Variants in KIAA0319 observed in about 807,000 individuals in gnomAD.
KIAA0319 encodes the protein KIAA0319.
A neutral mutation model predicts 108.4 loss-of-function variants in KIAA0319; 83 were observed. That is an observed-to-expected ratio of 0.77 (90% CI 0.64 to 0.92). The LOEUF is 0.92. Among genes scored for constraint, KIAA0319 ranks in the 40% least tolerant of loss-of-function variants. The pLI, the probability that KIAA0319 is intolerant of heterozygous loss-of-function variation, is 0.00. For missense variants in KIAA0319, 1,195 were observed against 1,322.4 expected (o/e 0.90, Z 1.49); for synonymous variants, 484 against 510.4 (o/e 0.95, Z 0.70).
rs1764488642 is a variant in KIAA0319 at position 24,570,149 on chromosome 6, T to C, written c.1859-114A>G. On this transcript the variant is annotated intron_variant, in intron 11 of 20. Transcript: ENST00000378214. The stretch of plus-strand genomic sequence containing the variant: ...TCTTCAGACCAGGCAGCCACTAGAG[T>C]ATGCAGCATCCTTTGGAATCCTGGA... 3.1e-6 allele frequency: 3 copies of C among 968,600 alleles called. No individual in the cohort carries two copies. In the Admixed American group the frequency reaches 7.0e-5, roughly 23 times the overall value. The allele number at this position is 968,600 out of a possible 1,614,324, so 60.0% of individuals were successfully genotyped here.
chr6:24,593,514 TC>T (rs1425039619), intron 3 of KIAA0319, among the ~76,000 whole-genome samples: 2 of 146,840 alleles, frequency 1.4e-5, no homozygotes, highest in Non-Finnish European at 3.0e-5. Context: ...TGCCTCAGCC[TC>T]CCGAGTAGCT....
Position 24,582,281 on chromosome 6 carries a change from GT to G in KIAA0319, c.1158del (p.Lys386AsnfsTer50). Reference sequence around the variant, plus strand: ...AGGTTAAGAGTTTGCTTGTGTCCTTGTTTTATTTCACCTTGGTAGTCTGTGG... The same window carrying G: ...AGGTTAAGAGTTTGCTTGTGTCCTTGTTTATTTCACCTTGGTAGTCTGTGG... Reference protein sequence around the residue: ...SHPTDYQGEIKQGHKQTLNLS... With the variant: ...SHPTDYQGEIXQGHKQTLNLS... On this transcript the variant is annotated frameshift_variant, in exon 6 of 21. Coordinates refer to ENST00000378214, the MANE Select transcript of KIAA0319 (RefSeq NM_014809.4). LOFTEE classifies it high-confidence loss of function. 3 of 1,610,612 alleles carry G rather than the reference GT, an allele frequency of 1.9e-6. No homozygotes were observed. The highest frequency in any genetic ancestry group is 2.5e-6 in the Non-Finnish European group (3 of 1,177,064).
intron 1 of KIAA0319, among the ~76,000 whole-genome samples, chr6:24,642,513 G>A (rs1461595957): frequency 2.6e-5 from 4 of 152,258 alleles, no homozygotes; most frequent in East Asian, 3.9e-4. Flanking sequence ...ATCATCACAT[G>A]AATAAACATC....
intron 19 of KIAA0319, among the ~76,000 whole-genome samples, chr6:24,552,147 A>G (rs1407715346): frequency 2.0e-5 from 3 of 152,176 alleles, no homozygotes; most frequent in African/African-American, 7.2e-5. Context: ...TTCATAGTAA[A>G]AAAGCAATAT....
intron 1 of KIAA0319, among the ~76,000 whole-genome samples, chr6:24,611,489 A>G (rs1428888290): frequency 6.6e-6 from 1 of 151,974 alleles, no homozygotes; most frequent in Non-Finnish European, 1.5e-5. Flanking sequence ...ACAGAGAAAG[A>G]CTCTGTCTCA....
At chr6:24,566,096 A>G (rs1347809603) in intron 14 of KIAA0319, among the ~76,000 whole-genome samples, 3 of 152,232 alleles carry the variant, frequency 2.0e-5, no homozygotes, top group African/African-American at 7.2e-5. Context: ...ATTCTAATGT[A>G]GAAGCATAAG....
At chr6:24,612,959 C>T (rs1772579053) in intron 1 of KIAA0319, among the ~76,000 whole-genome samples, 1 of 152,022 alleles carries the variant, frequency 6.6e-6, no homozygotes, top group Non-Finnish European at 1.5e-5. Flanking sequence ...CCACCACGCC[C>T]GACTAATTTT....
At chr6:24,601,306 C>G in intron 1 of KIAA0319, 98 bp from the exon 2 acceptor site, 1 of 1,388,610 alleles carries the variant, frequency 7.2e-7, no homozygotes, top group Non-Finnish European at 9.3e-7. Flanking sequence ...CAGTGGGAAG[C>G]CTGTCCTGGT....
chr6:24,569,029 T>C (rs1025180475), intron 12 of KIAA0319, 100 bp from the exon 13 acceptor site: 64 of 1,179,982 alleles, frequency 5.4e-5, no homozygotes, highest in Non-Finnish European at 7.6e-5. Context: ...GTTCCAGCTA[T>C]AATATATACC....
At chr6:24,576,674 C>T (rs2127473017) in intron 9 of KIAA0319, 78 bp from the exon 10 acceptor site, 1 of 1,125,840 alleles carries the variant, frequency 8.9e-7, no homozygotes, top group African/African-American at 1.5e-5. Context: ...AATCCCAACA[C>T]TGTGGGAAGC....
Position 24,564,253 on chromosome 6 carries a change from C to T in KIAA0319, c.2380G>A (p.Asp794Asn), listed in dbSNP as rs767807604. Residue 794 changes from aspartate (D) to asparagine (N), a missense_variant, in exon 15 of 21, where the codon GAC becomes AAC. Transcript: ENST00000378214. ...GVYTFHLRVT[D>N]SQGASDTDTA... ...TCTGTGTCCGAGGCCCCCTGACTGTCGGTGACTCGCAAGTGGAAAGTGTAC... is the reference window on the plus strand; with the variant it reads ...TCTGTGTCCGAGGCCCCCTGACTGTTGGTGACTCGCAAGTGGAAAGTGTAC... The T allele has an allele frequency of 8.7e-6, 14 of 1,613,990 alleles. No individual in the cohort carries two copies. The highest frequency in any genetic ancestry group is 2.2e-5 in the East Asian group (1 of 44,886).
chr6:24,645,342 T>C (rs1419996242), intron 1 of KIAA0319, among the ~76,000 whole-genome samples: 1 of 152,254 alleles, frequency 6.6e-6, no homozygotes, highest in African/African-American at 2.4e-5. Context: ...GATTAATTTG[T>C]GACATTCCTT....
At chr6:24,641,606 A>G (rs1029121530) in intron 1 of KIAA0319, among the ~76,000 whole-genome samples, 2 of 150,978 alleles carry the variant, frequency 1.3e-5, no homozygotes, top group Non-Finnish European at 2.9e-5. Context: ...TTCCTATACT[A>G]CAATAAATTT....
chr6:24,617,520 G>C (rs1043372797), intron 1 of KIAA0319, among the ~76,000 whole-genome samples: 3 of 152,280 alleles, frequency 2.0e-5, no homozygotes, highest in Non-Finnish European at 4.4e-5. Flanking sequence ...GAGGGAGCTA[G>C]AAAGCAGAGC....
intron 1 of KIAA0319, among the ~76,000 whole-genome samples, chr6:24,608,930 CAAAAAAAAAAAAAAA>C (rs57120652): frequency 1.0e-4 from 3 of 30,110 alleles, no homozygotes; most frequent in Non-Finnish European, 1.4e-4. Context: ...GACTCCGTCT[CAAAAAAAAAAAAAAA>C]AAAAAAAAAA....
At position 24,596,520 on chromosome 6, in the gene KIAA0319, A is replaced by G. The variant is rs1232254575; in HGVS notation, c.154T>C (p.Phe52Leu). 2.5e-6 allele frequency: 4 copies of G among 1,614,004 alleles called. No individual in the cohort carries two copies. The highest frequency in any genetic ancestry group is 1.7e-6 in the Non-Finnish European group (2 of 1,180,026). ...TTRIMRVSHT[F>L]PVVDCTAACC... Reference sequence around the variant, plus strand: ...GCGGCCGTGCAGTCTACGACAGGGAAGGTGTGAGACACCCGCATGATTCTG... The same window carrying G: ...GCGGCCGTGCAGTCTACGACAGGGAGGGTGTGAGACACCCGCATGATTCTG... Residue 52 changes from phenylalanine to leucine, a missense_variant, in exon 3 of 21, where the codon TTC (phenylalanine) becomes CTC (leucine). By Grantham distance (22) the Phe-to-Leu change is conservative (BLOSUM62 0). Transcript: ENST00000378214.
intron 1 of KIAA0319, among the ~76,000 whole-genome samples, chr6:24,624,021 T>TCTTTC (rs1562090855): frequency 8.0e-6 from 1 of 124,794 alleles, no homozygotes; most frequent in East Asian, 2.3e-4. Context: ...TGTTTTCTTT[T>TCTTTC]TTTTTTTTTT....
intron 14 of KIAA0319, among the ~76,000 whole-genome samples, chr6:24,565,747 C>T (rs1401594533): frequency 9.0e-5 from 9 of 99,578 alleles, no homozygotes; most frequent in African/African-American, 3.2e-4. Context: ...AGTGAGACTC[C>T]ATCTCAAAAA....
intron 1 of KIAA0319, among the ~76,000 whole-genome samples, chr6:24,601,932 T>C (rs945205882): frequency 6.6e-6 from 1 of 152,192 alleles, no homozygotes; most frequent in Non-Finnish European, 1.5e-5. Context: ...CTATTTTATA[T>C]TTCATCTGGC....
Sources: gnomAD v4.1 joint callset for allele counts (sites outside exome capture counted in the v4.1 genomes callset) on GRCh38, gnomAD v4.1.1 for gene constraint, MANE v1.5 for transcripts, NCBI Gene and HGNC (gene_info 2026-07-23, HGNC 2026-07-21) for gene names.